The following AKT1S1 variants were observed in gnomAD, a reference collection of about 807,000 sequenced individuals.
AKT1S1 encodes proline-rich AKT1 substrate 1.
A neutral mutation model predicts 21.2 loss-of-function variants in AKT1S1; 17 were observed. The observed-to-expected ratio is 0.80, with a 90% CI of 0.55 to 1.20. The LOEUF (loss-of-function observed/expected upper bound fraction) is 1.20, where lower values mean the gene tolerates loss of function less well. Among genes scored for constraint, AKT1S1 ranks in the 50% most tolerant of loss-of-function variants. The pLI is 0.00. For missense variants in AKT1S1, 366 were observed against 368.3 expected, an observed-to-expected ratio of 0.99 and a Z score of 0.05; for synonymous variants, 181 against 165.6, an observed-to-expected ratio of 1.09 and a Z score of -0.72.
chr19:49,878,130 C>A (rs1404238931), upstream of AKT1S1: 5 of 1,565,680 alleles, frequency 3.2e-6, no homozygotes, highest in Admixed American at 7.5e-5. Context: ...CTCGCTGGTT[C>A]CCCCCAACTC....
At chr19:49,876,042 G>C (rs73068083) in intron 1 of AKT1S1, 3 of 985,368 alleles carry the variant, frequency 3.0e-6, no homozygotes, top group African/African-American at 1.7e-5. Context: ...TGGATGCAGG[G>C]AGGAGGGAAA....
At chr19:49,875,650 G>C (rs2122391813) in intron 1 of AKT1S1, among the ~76,000 whole-genome samples, 1 of 152,308 alleles carries the variant, frequency 6.6e-6, no homozygotes, top group East Asian at 1.9e-4. Context: ...GGGAGAGGAG[G>C]TCCCGGAAGA....
Position 49,873,192 on chromosome 19 carries a change from G to A in AKT1S1, c.104C>T (p.Pro35Leu), listed in dbSNP as rs1208237794. The change falls in exon 2 of 5, where the codon CCG becomes CTG. Residue 35 changes from proline (P) to leucine (L), a missense_variant. By Grantham distance (98) the Pro-to-Leu change is moderately conservative (BLOSUM62 -3). Transcript: ENST00000344175. The surrounding 1 kb of genome is among the most constrained non-coding windows in gnomAD (Gnocchi z 6.9). The stretch of plus-strand genomic sequence containing the variant: ...GGGGCCCGGGCGGGGTGGTGGCGGC[G>A]GGGCCGCGGTCAGCAGCACCAGCTC... ...GTELVLLTAAPPPPPRPGPCA... is the reference protein window; with the variant it reads ...GTELVLLTAALPPPPRPGPCA... 9.2e-6 allele frequency: 14 copies of A among 1,528,544 alleles called. No individual in the cohort carries two copies. Among genetic ancestry groups the A allele is most frequent in the Admixed American group, 2.0e-5 (1 of 50,056 alleles). 94.7% of individuals were successfully genotyped at this position (1,528,544 alleles called of 1,614,324 possible). A position where few individuals can be genotyped will look rare whatever the true frequency, so the allele number is the denominator to read the frequency against.
upstream of AKT1S1, chr19:49,878,059 C>T (rs946970273): frequency 9.5e-6 from 11 of 1,155,166 alleles, no homozygotes; most frequent in Non-Finnish European, 1.3e-5. Context: ...CTGAGGGTGG[C>T]TCCTCCCTGG....
At chr19:49,878,310 C>A, upstream of AKT1S1, 1 of 1,450,204 alleles carries the variant, frequency 6.9e-7, no homozygotes. Context: ...ATGCAGGCGG[C>A]AGCTGTAGGA....
At chr19:49,875,693 C>A (rs1178458951) in intron 1 of AKT1S1, among the ~76,000 whole-genome samples, 2 of 152,202 alleles carry the variant, frequency 1.3e-5, no homozygotes, top group African/African-American at 4.8e-5. Flanking sequence ...TGTACTCAAT[C>A]TTGGAGTAGC....
In AKT1S1 at chr19:49,871,706, C is replaced by T. The variant is rs780306216; in HGVS notation, c.468G>A (p.Leu156=). The change falls in exon 4 of 5, where the codon CTG becomes CTA. Residue 156 remains leucine (L), a synonymous_variant. Coordinates refer to ENST00000344175, the MANE Select transcript of AKT1S1 (RefSeq NM_001098633.4). ...GGGGGCCGGCGGGGGTCTCCTCGCT[C>T]AGGCTGCCATCTGAAAGAGAGGGTG... ...SDPESTDDGS[L]SEETPAGPPT... 6.2e-7 allele frequency: 1 copy of T among 1,612,840 alleles called. No individual in the cohort carries two copies. Among genetic ancestry groups the T allele is most frequent in the South Asian group, 1.1e-5 (1 of 91,046 alleles).
chr19:49,876,587 C>T (rs1255852979), intron 1 of AKT1S1: 2 of 1,505,046 alleles, frequency 1.3e-6, no homozygotes, highest in Non-Finnish European at 1.8e-6. Context: ...CGGTTAACAA[C>T]GCCGCCTCCA....
intron 1 of AKT1S1, chr19:49,876,858 T>C (rs996211300): frequency 3.9e-6 from 2 of 515,880 alleles, no homozygotes; most frequent in African/African-American, 4.0e-5. Context: ...ATGGCCGTCC[T>C]CATATGCTCA....
In AKT1S1 at chr19:49,876,007, G is replaced by C. The variant is rs550019605; in HGVS notation, c.-8+1230C>G. 8 of 985,478 alleles carry C rather than the reference G, an allele frequency of 8.1e-6. No homozygotes were observed. In the Admixed American group the frequency reaches 4.9e-4, roughly 60 times the overall value. The allele number at this position is 985,478 out of a possible 1,614,324, so 61.0% of individuals were successfully genotyped here. On this transcript the variant is annotated intron_variant, in intron 1 of 4. Transcript: ENST00000344175. ...AGTGAGACGTGTTCCCCACAGGAGG[G>C]GGAGCACGATGTGGCTGTCCTCTTT...
chr19:49,875,912 G>A (rs1377546412), intron 1 of AKT1S1: 7 of 985,472 alleles, frequency 7.1e-6, no homozygotes, highest in Non-Finnish European at 8.4e-6. Flanking sequence ...CCTCCAAGGA[G>A]CTGAGAGATG....
chr19:49,869,897 G>C lies in AKT1S1; in HGVS notation c.*20C>G, dbSNP rs1262623232. On this transcript the variant is annotated 3_prime_UTR_variant, in exon 5 of 5. Transcript: ENST00000344175. The stretch of plus-strand genomic sequence containing the variant: ...TGTGGGACGGGGCGGACGCGGCCCG[G>C]GGCGCTCCCTCCCTGGACTTCAATA... 3.4e-6 allele frequency: 5 copies of C among 1,470,594 alleles called. No homozygotes were observed. Among genetic ancestry groups the C allele is most frequent in the Non-Finnish European group, 4.6e-6 (5 of 1,097,078 alleles). 91.1% of individuals were successfully genotyped at this position (1,470,594 alleles called of 1,614,324 possible).
chr19:49,875,287 T>A (rs2074926867), intron 1 of AKT1S1: 2 of 151,462 alleles, frequency 1.3e-5, no homozygotes, highest in South Asian at 4.2e-4. Context: ...CTAATCCAGA[T>A]GGAAAAGTGA....
In AKT1S1 at chr19:49,869,800, T is replaced by C. The variant is rs1449326454; in HGVS notation, c.*117A>G. On this transcript the variant is annotated 3_prime_UTR_variant, in exon 5 of 5. Transcript: ENST00000344175. Reference sequence around the variant, plus strand: ...GGCAGAGGCGGGACAATCTTGGGAATGGGAGACGCAAGGAGGCCGGTCCCG... The same window carrying C: ...GGCAGAGGCGGGACAATCTTGGGAACGGGAGACGCAAGGAGGCCGGTCCCG... 1.8e-6 allele frequency: 2 copies of C among 1,137,802 alleles called. No individual in the cohort carries two copies. The highest frequency in any genetic ancestry group is 2.3e-6 in the Non-Finnish European group (2 of 864,576). 70.5% of individuals were successfully genotyped at this position (1,137,802 alleles called of 1,614,324 possible). A position where few individuals can be genotyped will look rare whatever the true frequency, so the allele number is the denominator to read the frequency against.
At chr19:49,878,130 C>T (rs1404238931), upstream of AKT1S1, 4 of 1,565,562 alleles carry the variant, frequency 2.6e-6, no homozygotes, top group Admixed American at 1.9e-5. Flanking sequence ...CTCGCTGGTT[C>T]CCCCCAACTC....
At position 49,873,355 on chromosome 19, in the gene AKT1S1, G is replaced by A. The variant is rs1326481599; in HGVS notation, c.-7-53C>T. 17 of 1,394,050 alleles carry A rather than the reference G, an allele frequency of 1.2e-5. No homozygotes were observed. Among genetic ancestry groups the A allele is most frequent in the East Asian group, 5.9e-5 (2 of 33,614 alleles). The allele number at this position is 1,394,050 out of a possible 1,614,324, so 86.4% of individuals were successfully genotyped here. A position where few individuals can be genotyped will look rare whatever the true frequency, so the allele number is the denominator to read the frequency against. ...CTGAGGCTTGGCGGCCTACATCATC[G>A]CCACCCACTCAGAGTGCCCGCCCGT... On this transcript the variant is annotated intron_variant, in intron 1 of 4. Coordinates refer to ENST00000344175, the MANE Select transcript of AKT1S1 (RefSeq NM_001098633.4). The surrounding 1 kb of genome is among the most constrained non-coding windows in gnomAD (Gnocchi z 6.9).
intron 4 of AKT1S1, among the ~76,000 whole-genome samples, chr19:49,870,846 G>A (rs1337274487): frequency 1.3e-5 from 2 of 152,210 alleles, no homozygotes; most frequent in Admixed American, 6.5e-5. Context: ...CCTGTTCCTG[G>A]TCTTCAGTGC....
chr19:49,877,846 C>T, upstream of AKT1S1: 1 of 1,378,586 alleles, frequency 7.3e-7, no homozygotes. Context: ...TCCGGCACGG[C>T]CTTGGCAAAC....
chr19:49,871,451 G>A, intron 4 of AKT1S1, 96 bp downstream of exon 4: 4 of 1,509,752 alleles, frequency 2.6e-6, no homozygotes, highest in Non-Finnish European at 3.6e-6. Context: ...GTTAGCTTAT[G>A]GGTGGAAAGC....
Sources: allele counts gnomAD v4.1 joint callset (sites outside exome capture counted in the v4.1 genomes callset), GRCh38; gene constraint gnomAD v4.1.1; non-coding constraint Gnocchi (gnomAD v3.1); transcripts MANE v1.5; gene names NCBI Gene and HGNC (gene_info 2026-07-23, HGNC 2026-07-21).